DOCK9: variants seen among roughly 807,000 people sequenced by gnomAD.
The protein encoded by DOCK9 is dedicator of cytokinesis protein 9.
DOCK9 carries 89 observed loss-of-function variants against 263.3 expected under a neutral mutation model. The ratio of observed to expected loss-of-function variants is 0.34; its 90% confidence interval spans 0.28 to 0.40. The LOEUF is 0.40. Among genes scored for constraint, DOCK9 ranks in the 10% least tolerant of loss-of-function variants. The pLI is 1.00. For missense variants in DOCK9, 2,140 were observed against 2,603.4 expected (o/e 0.82, Z 3.87); for synonymous variants, 976 against 973.1 (o/e 1.00, Z -0.06).
intron 1 of DOCK9, among the ~76,000 whole-genome samples, chr13:99,071,583 G>A (rs1056533500): frequency 2.0e-4 from 30 of 152,086 alleles, no homozygotes; most frequent in African/African-American, 6.8e-4. Context: ...GGAAGAGGAT[G>A]AGGAGGGACT....
intron 1 of DOCK9, among the ~76,000 whole-genome samples, chr13:99,037,004 T>C (rs1486390079): frequency 6.6e-6 from 1 of 152,220 alleles, no homozygotes; most frequent in Admixed American, 6.5e-5. Context: ...GTTTCTGCCC[T>C]CATAGAGCTC....
chr13:99,087,105 T>C (rs1270219422), upstream of DOCK9, among the ~76,000 whole-genome samples: 1 of 144,320 alleles, frequency 6.9e-6, no homozygotes, highest in Non-Finnish European at 1.5e-5. Context: ...GTAGCCTTTA[T>C]TTATGTGGCA....
chr13:98,959,562 T>C (rs796076010), intron 1 of DOCK9: 1 of 152,276 alleles, frequency 6.6e-6, no homozygotes, highest in African/African-American at 2.4e-5. Context: ...CAAAAAGCTC[T>C]TGCTTCAAAT....
intron 2 of DOCK9, among the ~76,000 whole-genome samples, chr13:98,930,784 A>G (rs183988111): frequency 4.7e-4 from 72 of 152,176 alleles, no homozygotes; most frequent in African/African-American, 1.6e-3. Flanking sequence ...AGCTGGGATT[A>G]CAGGCATGCG....
rs148429724 is a variant in DOCK9 at position 98,951,358 on chromosome 13, A to G, written c.243+4077T>C. 3.5e-3 allele frequency among the ~76,000 whole-genome samples: 530 copies of G among 152,332 alleles called. 2 individuals carry two copies. The highest frequency in any genetic ancestry group is 6.3e-3 in the Admixed American group (97 of 15,308). On this transcript the variant is annotated intron_variant, in intron 2 of 52. Coordinates refer to ENST00000682017, the MANE Select transcript of DOCK9 (RefSeq NM_001366683.2). ...AAACAGTATTAATATTTACTTGATGAATCAAAGAAAATAACCTAATGCTTG... is the reference window on the plus strand; with the variant it reads ...AAACAGTATTAATATTTACTTGATGGATCAAAGAAAATAACCTAATGCTTG...
intron 3 of DOCK9, among the ~76,000 whole-genome samples, chr13:98,929,113 C>T (rs1433535262): frequency 1.2e-4 from 18 of 151,812 alleles, no homozygotes; most frequent in Non-Finnish European, 2.9e-5. Flanking sequence ...AAAAAAAAAT[C>T]ATTATTTTTA....
Position 98,807,664 on chromosome 13 carries a change from G to A in DOCK9, c.5511C>T (p.Gly1837=). The A allele has an allele frequency of 1.2e-6, 2 of 1,603,660 alleles. No homozygotes were observed. The change falls in exon 48 of 53, where the codon GGC becomes GGT. Residue 1837 remains glycine (G), a synonymous_variant. Transcript: ENST00000682017. ...ACTTATCCAAACATGGTCATACCTTGCCAGAATCCTGTATCATTTTGACAT... is the reference window on the plus strand; with the variant it reads ...ACTTATCCAAACATGGTCATACCTTACCAGAATCCTGTATCATTTTGACAT... ...SENVKMIQDS[G]KVNPKDLDSK...
chr13:99,044,894 G>A (rs567567638), intron 1 of DOCK9, among the ~76,000 whole-genome samples: 13 of 152,282 alleles, frequency 8.5e-5, no homozygotes, highest in East Asian at 5.8e-4. Context: ...GAGCAGGACA[G>A]GATTTTACCA....
upstream of DOCK9, among the ~76,000 whole-genome samples, chr13:99,087,580 A>G (rs2042376240): frequency 1.3e-5 from 2 of 151,260 alleles, no homozygotes; most frequent in African/African-American, 2.4e-5. Context: ...CAATACCCTA[A>G]CCGCTTTCCT....
intron 21 of DOCK9, 32 bp downstream of exon 21, chr13:98,884,939 T>TTGGGA (rs1566846314): frequency 6.3e-7 from 1 of 1,596,462 alleles, no homozygotes; most frequent in East Asian, 2.2e-5. Context: ...TCTGAAGAAA[T>TTGGGA]TGGGATGACC....
intron 24 of DOCK9, 94 bp downstream of exon 24, chr13:98,881,798 T>C (rs2044806257): frequency 7.8e-7 from 1 of 1,284,778 alleles, no homozygotes; most frequent in Non-Finnish European, 1.1e-6. Context: ...TTAAATGTAA[T>C]GTTCAGCACA....
chr13:98,923,652 A>T (rs981404496), intron 4 of DOCK9, among the ~76,000 whole-genome samples: 9 of 152,340 alleles, frequency 5.9e-5, no homozygotes, highest in African/African-American at 1.9e-4. Context: ...GTTTTTAATA[A>T]ACAAAGACTT....
chr13:98,812,107 T>C (rs572635347), intron 45 of DOCK9, among the ~76,000 whole-genome samples: 2 of 149,154 alleles, frequency 1.3e-5, no homozygotes, highest in South Asian at 4.3e-4. Context: ...TATGTGCCCA[T>C]CCTTGTGTCA....
At chr13:99,079,477 A>G (rs2042041134) in intron 1 of DOCK9, among the ~76,000 whole-genome samples, 1 of 152,234 alleles carries the variant, frequency 6.6e-6, no homozygotes, top group Non-Finnish European at 1.5e-5. Flanking sequence ...TATTTAGTCA[A>G]GATAATCAAT....
intron 1 of DOCK9, among the ~76,000 whole-genome samples, chr13:98,990,590 C>T (rs752118383): frequency 4.6e-5 from 7 of 152,316 alleles, no homozygotes; most frequent in East Asian, 3.9e-4. Context: ...AGACTTAAGG[C>T]GACCACAAGT....
At chr13:98,795,339 C>G (rs1269175250) in intron 52 of DOCK9, among the ~76,000 whole-genome samples, 1 of 152,196 alleles carries the variant, frequency 6.6e-6, no homozygotes, top group Non-Finnish European at 1.5e-5. Context: ...TGACCCTGAA[C>G]AAGTATCTTT....
chr13:98,981,054 G>GC (rs1877060836), upstream of DOCK9, among the ~76,000 whole-genome samples: 1 of 143,878 alleles, frequency 7.0e-6, no homozygotes, highest in East Asian at 2.2e-4. Flanking sequence ...CAAGTAATTT[G>GC]TTTTTTGTTT....
At chr13:98,941,127 G>A (rs1424620093) in intron 2 of DOCK9, among the ~76,000 whole-genome samples, 1 of 152,128 alleles carries the variant, frequency 6.6e-6, no homozygotes, top group African/African-American at 2.4e-5. Context: ...CTGGTCTCAG[G>A]AACACGTACC....
intron 35 of DOCK9, among the ~76,000 whole-genome samples, chr13:98,852,432 G>A (rs1465592879): frequency 6.6e-6 from 1 of 151,972 alleles, no homozygotes; most frequent in African/African-American, 2.4e-5. Context: ...CCTTGGCTGG[G>A]GTTGGGGAAA....
Sources: allele counts gnomAD v4.1 joint callset (sites outside exome capture counted in the v4.1 genomes callset), GRCh38; gene constraint gnomAD v4.1.1; transcripts MANE v1.5; gene names NCBI Gene and HGNC (gene_info 2026-07-23, HGNC 2026-07-21).